ESRRB: variants seen among roughly 807,000 people sequenced by gnomAD.
ESRRB encodes steroid hormone receptor ERR2.
A neutral mutation model predicts 46.0 loss-of-function variants in ESRRB; 16 were observed. That is an observed-to-expected ratio of 0.35 (90% CI 0.24 to 0.53). ESRRB has a LOEUF of 0.53. Among genes scored for constraint, ESRRB ranks in the 20% least tolerant of loss-of-function variants. The pLI, the probability that ESRRB is intolerant of heterozygous loss-of-function variation, is 0.93. For missense variants in ESRRB, 488 were observed against 607.4 expected, an observed-to-expected ratio of 0.80 and a Z score of 2.07; for synonymous variants, 246 against 259.6, an observed-to-expected ratio of 0.95 and a Z score of 0.50.
intron 5 of ESRRB, among the ~76,000 whole-genome samples, chr14:76,485,233 A>ATTT (rs34504939): frequency 0.01 from 920 of 91,828 alleles, 27 homozygotes; most frequent in African/African-American, 0.022. Flanking sequence ...CAAATGCCTG[A>ATTT]TTTTTTTTTT....
intron 1 of ESRRB, among the ~76,000 whole-genome samples, chr14:76,334,153 A>G (rs1487784056): frequency 1.3e-5 from 2 of 152,228 alleles, no homozygotes; most frequent in Admixed American, 6.5e-5. Flanking sequence ...TGAAGGACGA[A>G]CAGTCCAGGC....
intron 1 of ESRRB, among the ~76,000 whole-genome samples, chr14:76,390,642 G>A (rs1885429519): frequency 1.3e-5 from 2 of 152,204 alleles, no homozygotes; most frequent in South Asian, 2.1e-4. Flanking sequence ...GGAAACAGAT[G>A]ACGTGCCAGG....
At chr14:76,365,923 G>A (rs904577251) in intron 1 of ESRRB, among the ~76,000 whole-genome samples, 1 of 152,072 alleles carries the variant, frequency 6.6e-6, no homozygotes, top group Non-Finnish European at 1.5e-5. Context: ...CTTATTGCTC[G>A]CTGACATCCG....
chr14:76,431,330 T>C (rs1887433927), intron 1 of ESRRB, among the ~76,000 whole-genome samples: 1 of 152,026 alleles, frequency 6.6e-6, no homozygotes, highest in Non-Finnish European at 1.5e-5. Context: ...CCGATGATGA[T>C]CTCTTGTTGA....
At chr14:76,372,070 G>A (rs749072463), upstream of ESRRB, among the ~76,000 whole-genome samples, 2 of 152,102 alleles carry the variant, frequency 1.3e-5, no homozygotes, top group South Asian at 2.1e-4. Context: ...GCTGTGCTGG[G>A]TTAGACTGCA....
chr14:76,321,758 G>T (rs1367779914), intron 1 of ESRRB, among the ~76,000 whole-genome samples: 2 of 152,104 alleles, frequency 1.3e-5, no homozygotes, highest in African/African-American at 2.4e-5. Flanking sequence ...ACTGAAAGAT[G>T]GTATTAAGAT....
chr14:76,475,235 G>T (rs11626818), intron 3 of ESRRB, among the ~76,000 whole-genome samples: 15,433 of 151,826 alleles, frequency 0.1, 934 homozygotes, highest in Middle Eastern at 0.19. Context: ...GGGGTGTGGT[G>T]GTGTACACTT....
chr14:76,469,556 A>T (rs1252968010), intron 3 of ESRRB, among the ~76,000 whole-genome samples: 1 of 152,304 alleles, frequency 6.6e-6, no homozygotes, highest in South Asian at 2.1e-4. Context: ...ATGTTAAAAA[A>T]ATTTTTTTTC....
At chr14:76,497,838 T>G (rs919897502) in intron 6 of ESRRB, among the ~76,000 whole-genome samples, 2 of 152,164 alleles carry the variant, frequency 1.3e-5, no homozygotes, top group African/African-American at 4.8e-5. Context: ...TTTAAGCCCT[T>G]GAGGTAGGCA....
upstream of ESRRB, among the ~76,000 whole-genome samples, chr14:76,372,617 A>G (rs888845185): frequency 2.0e-5 from 3 of 152,154 alleles, no homozygotes; most frequent in African/African-American, 7.2e-5. Flanking sequence ...AGATCACAAG[A>G]GGCAAGGAGT....
At position 76,482,091 on chromosome 14, in the gene ESRRB, T is replaced by C; in HGVS notation, c.653T>C (p.Leu218Pro). 1.2e-6 allele frequency: 2 copies of C among 1,614,212 alleles called. No homozygotes were observed. The change falls in exon 4 of 7, where the codon CTG (leucine) becomes CCG (proline). Residue 218 changes from leucine (L) to proline (P), a missense_variant. Coordinates refer to ENST00000644823, the MANE Select transcript of ESRRB (RefSeq NM_001379180.1). The surrounding 1 kb of genome is among the most constrained non-coding windows in gnomAD (Gnocchi z 4.3). ...RRLDSESSPYLSLQISPPAKK... is the reference protein window; with the variant it reads ...RRLDSESSPYPSLQISPPAKK... The stretch of plus-strand genomic sequence containing the variant: ...CTGGACTCAGAGAGCAGCCCATACC[T>C]GAGCTTACAAATTTCTCCACCTGCT...
At chr14:76,384,557 AG>A (rs546169235) in intron 1 of ESRRB, among the ~76,000 whole-genome samples, 388 of 152,300 alleles carry the variant, frequency 2.5e-3, no homozygotes, top group African/African-American at 9.0e-3. Flanking sequence ...GGCCCCCCTG[AG>A]AAAAGCTGGG....
chr14:76,497,575 G>A lies in ESRRB; in HGVS notation c.1121-639G>A, dbSNP rs942768748. Among the ~76,000 whole-genome samples, 9 of 152,278 alleles carry A rather than the reference G, an allele frequency of 5.9e-5. No homozygotes were observed. The East Asian group carries it at 7.7e-4, about 13-fold the overall frequency. Reference sequence around the variant, plus strand: ...ACTCCCTATAGCTCCCTCCATCACCGTGCCTCATGCCGCCACCTTGACACA... The same window carrying A: ...ACTCCCTATAGCTCCCTCCATCACCATGCCTCATGCCGCCACCTTGACACA... On this transcript the variant is annotated intron_variant, in intron 6 of 6. Coordinates refer to ENST00000644823, the MANE Select transcript of ESRRB (RefSeq NM_001379180.1).
At chr14:76,466,778 C>T (rs1331502401) in intron 3 of ESRRB, among the ~76,000 whole-genome samples, 1 of 151,800 alleles carries the variant, frequency 6.6e-6, no homozygotes, top group African/African-American at 2.4e-5. Flanking sequence ...GGCTGGAGTG[C>T]AGTGGCGCGA....
intron 1 of ESRRB, among the ~76,000 whole-genome samples, chr14:76,399,507 C>T (rs1885844885): frequency 1.3e-5 from 2 of 152,182 alleles, no homozygotes; most frequent in South Asian, 2.1e-4. Flanking sequence ...CACATCATCC[C>T]CTTTGAATAT....
chr14:76,339,248 C>T (rs962095537), intron 1 of ESRRB, among the ~76,000 whole-genome samples: 4 of 152,208 alleles, frequency 2.6e-5, no homozygotes, highest in South Asian at 4.1e-4. Flanking sequence ...CACTTGAAAT[C>T]GTCAGGTCCT....
intron 1 of ESRRB, among the ~76,000 whole-genome samples, chr14:76,333,674 A>G (rs1453397294): frequency 2.6e-5 from 4 of 151,332 alleles, no homozygotes; most frequent in African/African-American, 7.3e-5. Context: ...TTTTAATAAT[A>G]TATTTTATTT....
At chr14:76,409,252 AGTAT>A (rs1886329795) in intron 1 of ESRRB, among the ~76,000 whole-genome samples, 2 of 152,106 alleles carry the variant, frequency 1.3e-5, no homozygotes, top group Non-Finnish European at 2.9e-5. Flanking sequence ...GATTAGAGAA[AGTAT>A]GTATCAGTTT....
At chr14:76,463,630 G>A (rs1888984494) in intron 3 of ESRRB, among the ~76,000 whole-genome samples, 1 of 151,646 alleles carries the variant, frequency 6.6e-6, no homozygotes, top group Non-Finnish European at 1.5e-5. Flanking sequence ...TGTATTTTTA[G>A]TAGAGACGGG....
Sources: allele counts gnomAD v4.1 joint callset (sites outside exome capture counted in the v4.1 genomes callset), GRCh38; gene constraint gnomAD v4.1.1; non-coding constraint Gnocchi (gnomAD v3.1); transcripts MANE v1.5; gene names NCBI Gene and HGNC (gene_info 2026-07-23, HGNC 2026-07-21).